CTNND2: variants seen among roughly 807,000 people sequenced by gnomAD.
CTNND2 encodes the protein catenin delta-2.
A neutral mutation model predicts 144.4 loss-of-function variants in CTNND2; 22 were observed. That is an observed-to-expected ratio of 0.15 (90% confidence interval 0.11 to 0.22). The LOEUF is 0.22. Among genes scored for constraint, CTNND2 ranks in the 10% least tolerant of loss-of-function variants. The probability of loss-of-function intolerance (pLI) is 1.00; values close to 1 mark genes in which losing one functional copy is unlikely to be tolerated. For synonymous variants in CTNND2, 751 were observed against 695.6 expected (o/e 1.08, Z -1.25); for missense variants, 1,353 against 1,618.8 (o/e 0.84, Z 2.82).
chr5:11,255,610 C>T (rs548153478), intron 9 of CTNND2, among the ~76,000 whole-genome samples: 11 of 152,042 alleles, frequency 7.2e-5, no homozygotes, highest in African/African-American at 2.2e-4. Context: ...ACAAAGGTTA[C>T]GCATTCTATC....
intron 16 of CTNND2, among the ~76,000 whole-genome samples, chr5:11,079,309 C>A (rs1048596133): frequency 2.2e-4 from 33 of 152,186 alleles, no homozygotes; most frequent in African/African-American, 7.5e-4. Context: ...TCTGCTGAGC[C>A]TCTGGATGCT....
At position 11,017,398 on chromosome 5, in the gene CTNND2, C is replaced by T. The variant is rs181919935; in HGVS notation, c.3084+576G>A. ...GGTGATCCACGTTTGTCACTGGGAG[C>T]ACTGTCTTTTTCCTTCTGGCCAGTA... is the stretch of plus-strand genomic sequence containing the variant. On this transcript the variant is annotated intron_variant, in intron 18 of 21. Coordinates refer to ENST00000304623, the MANE Select transcript of CTNND2 (RefSeq NM_001332.4). Among the ~76,000 whole-genome samples the T allele has an allele frequency of 4.6e-5, 7 of 151,980 alleles. No homozygotes were observed. In the East Asian group the frequency reaches 7.7e-4, roughly 17 times the overall value.
At chr5:11,588,791 G>A in intron 2 of CTNND2, 1 of 985,076 alleles carries the variant, frequency 1.0e-6, no homozygotes, top group Non-Finnish European at 1.2e-6. Flanking sequence ...TGTAGTCTAG[G>A]CAAACAAGAC....
At chr5:11,314,245 C>A (rs1751280349) in intron 9 of CTNND2, among the ~76,000 whole-genome samples, 1 of 152,160 alleles carries the variant, frequency 6.6e-6, no homozygotes, top group East Asian at 1.9e-4. Context: ...CTGATTCCTG[C>A]TTGATCATTT....
Position 10,972,603 on chromosome 5 carries a change from T to C in CTNND2, c.*850A>G, listed in dbSNP as rs1735951978. 1 of 152,614 alleles carries C rather than the reference T, an allele frequency of 6.6e-6. No individual in the cohort carries two copies. Among genetic ancestry groups the C allele is most frequent in the Non-Finnish European group, 1.5e-5 (1 of 68,030 alleles). 9.5% of individuals were successfully genotyped at this position (152,614 alleles called of 1,614,324 possible). Reference sequence around the variant, plus strand: ...AAGAAAACTGGTATAAATGAAAAAATCTATTTCAAATATCTACATCTAAAA... The same window carrying C: ...AAGAAAACTGGTATAAATGAAAAAACCTATTTCAAATATCTACATCTAAAA... On this transcript the variant is annotated 3_prime_UTR_variant, in exon 22 of 22. Coordinates refer to ENST00000304623, the MANE Select transcript of CTNND2 (RefSeq NM_001332.4).
At chr5:11,850,714 T>C (rs1285292640) in intron 1 of CTNND2, among the ~76,000 whole-genome samples, 1 of 152,172 alleles carries the variant, frequency 6.6e-6, no homozygotes, top group Non-Finnish European at 1.5e-5. Flanking sequence ...TATTTCCATC[T>C]CATTAATGAA....
At chr5:11,241,100 CCAACATGTACACACACA>C (rs1359731428) in intron 9 of CTNND2, among the ~76,000 whole-genome samples, 2 of 151,012 alleles carry the variant, frequency 1.3e-5, no homozygotes, top group Admixed American at 1.3e-4. Flanking sequence ...ATACACACAC[CCAACATGTACACACACA>C]CATCCAACAC....
At chr5:10,989,334 G>A (rs776334046) in intron 19 of CTNND2, among the ~76,000 whole-genome samples, 1 of 152,166 alleles carries the variant, frequency 6.6e-6, no homozygotes, top group Non-Finnish European at 1.5e-5. Context: ...CATAGCCCAG[G>A]GCAGTGCTTC....
At chr5:11,251,981 G>T (rs1335396621) in intron 9 of CTNND2, among the ~76,000 whole-genome samples, 1 of 152,098 alleles carries the variant, frequency 6.6e-6, no homozygotes, top group Admixed American at 6.6e-5. Context: ...GAAAACATCA[G>T]CATTTAGAAT....
chr5:11,867,879 T>G (rs1795847325), intron 1 of CTNND2, among the ~76,000 whole-genome samples: 1 of 151,110 alleles, frequency 6.6e-6, no homozygotes, highest in Non-Finnish European at 1.5e-5. Context: ...ACAGAAACAG[T>G]GTAAGCAGCG....
intron 2 of CTNND2, among the ~76,000 whole-genome samples, chr5:11,658,274 T>C (rs938788365): frequency 6.6e-6 from 1 of 152,022 alleles, no homozygotes; most frequent in African/African-American, 2.4e-5. Flanking sequence ...TCATGATCCA[T>C]TGCCTTCATT....
At chr5:11,633,936 T>TA (rs1781544493) in intron 2 of CTNND2, among the ~76,000 whole-genome samples, 1 of 152,170 alleles carries the variant, frequency 6.6e-6, no homozygotes, top group South Asian at 2.1e-4. Flanking sequence ...CATCTTCTTA[T>TA]GCCTGATGTT....
chr5:11,566,815 A>C (rs539540675), intron 2 of CTNND2, among the ~76,000 whole-genome samples: 1 of 152,330 alleles, frequency 6.6e-6, no homozygotes, highest in South Asian at 2.1e-4. Context: ...AGGAGGGGTG[A>C]CAATGGGAGA....
chr5:11,722,512 A>G (rs1261616376), intron 2 of CTNND2, among the ~76,000 whole-genome samples: 1 of 152,236 alleles, frequency 6.6e-6, no homozygotes, highest in East Asian at 1.9e-4. Flanking sequence ...CTATGAAGAA[A>G]TACCTGAGAC....
intron 10 of CTNND2, among the ~76,000 whole-genome samples, chr5:11,234,591 G>A (rs1741402962): frequency 6.6e-6 from 1 of 152,196 alleles, no homozygotes; most frequent in Non-Finnish European, 1.5e-5. Flanking sequence ...TCATTCTGAT[G>A]TAGCCGGAAA....
At chr5:11,134,013 C>T (rs1755877326) in intron 12 of CTNND2, among the ~76,000 whole-genome samples, 1 of 152,198 alleles carries the variant, frequency 6.6e-6, no homozygotes, top group Admixed American at 6.5e-5. Context: ...TGCTAATCAG[C>T]TGACCTTAGG....
chr5:11,100,204 T>C (rs757830162), intron 14 of CTNND2, among the ~76,000 whole-genome samples: 13 of 152,220 alleles, frequency 8.5e-5, no homozygotes, highest in Non-Finnish European at 1.8e-4. Flanking sequence ...TGTCTTCTTT[T>C]CCTCAATAAT....
intron 3 of CTNND2, among the ~76,000 whole-genome samples, chr5:11,419,821 T>C (rs1762223753): frequency 6.6e-6 from 1 of 152,220 alleles, no homozygotes; most frequent in South Asian, 2.1e-4. Context: ...GTTATGAACC[T>C]GCTCAAATAT....
chr5:11,575,797 C>T (rs1217328862), intron 2 of CTNND2, among the ~76,000 whole-genome samples: 1 of 152,024 alleles, frequency 6.6e-6, no homozygotes, highest in African/African-American at 2.4e-5. Flanking sequence ...TTTTGCTGAC[C>T]CTCTCATTTT....
Sources: gnomAD v4.1 joint callset for allele counts (sites outside exome capture counted in the v4.1 genomes callset) on GRCh38, gnomAD v4.1.1 for gene constraint, MANE v1.5 for transcripts, NCBI Gene and HGNC (gene_info 2026-07-23, HGNC 2026-07-21) for gene names.